Variants in CNBD1 observed in about 807,000 individuals in gnomAD.
CNBD1 encodes cyclic nucleotide-binding domain-containing protein 1.
In CNBD1, 71 loss-of-function variants were observed where a neutral mutation model predicts 54.4. The ratio of observed to expected loss-of-function variants is 1.30; its 90% CI spans 1.08 to 1.59. The LOEUF (loss-of-function observed/expected upper bound fraction) is 1.59, where lower values mean the gene tolerates loss of function less well. Among genes scored for constraint, CNBD1 ranks in the 40% most tolerant of loss-of-function variants. The pLI is 0.00. For synonymous variants in CNBD1, 182 were observed against 170.7 expected, an observed-to-expected ratio of 1.07 and a Z score of -0.51; for missense variants, 659 against 518.0, an observed-to-expected ratio of 1.27 and a Z score of -2.64.
At chr8:87,255,639 G>GTA (rs1288049783) in intron 6 of CNBD1, among the ~76,000 whole-genome samples, 1 of 151,498 alleles carries the variant, frequency 6.6e-6, no homozygotes, top group Non-Finnish European at 1.5e-5. Flanking sequence ...CAGTCATTCT[G>GTA]TATGTGACTC....
At chr8:87,142,161 A>G (rs1410119442) in intron 4 of CNBD1, among the ~76,000 whole-genome samples, 1 of 152,128 alleles carries the variant, frequency 6.6e-6, no homozygotes, top group African/African-American at 2.4e-5. Flanking sequence ...GTTACCAGGG[A>G]ACGTTATGAA....
chr8:87,106,317 A>G (rs539458374), intron 4 of CNBD1, among the ~76,000 whole-genome samples: 2 of 151,894 alleles, frequency 1.3e-5, no homozygotes, highest in South Asian at 4.2e-4. Flanking sequence ...GGGTTCAAGC[A>G]ATTCTCATGT....
intron 10 of CNBD1, among the ~76,000 whole-genome samples, chr8:87,365,091 C>A (rs991304603): frequency 7.2e-5 from 11 of 151,930 alleles, no homozygotes; most frequent in African/African-American, 2.7e-4. Flanking sequence ...ATGGTTGAAC[C>A]TAATTTACAC....
chr8:87,307,315 G>A (rs1441607173), intron 8 of CNBD1, among the ~76,000 whole-genome samples: 1 of 152,230 alleles, frequency 6.6e-6, no homozygotes, highest in East Asian at 1.9e-4. Flanking sequence ...GGATATTAAA[G>A]TGTAGGACAC....
intron 5 of CNBD1, among the ~76,000 whole-genome samples, chr8:87,236,565 A>C (rs1186673486): frequency 1.3e-5 from 2 of 152,000 alleles, no homozygotes; most frequent in African/African-American, 4.8e-5. Context: ...GGAGGCTCAT[A>C]AACATTAAAA....
At chr8:87,421,093 G>A (rs937559039) in intron 2 of CNBD1, among the ~76,000 whole-genome samples, 3 of 151,952 alleles carry the variant, frequency 2.0e-5, no homozygotes, top group African/African-American at 7.2e-5. Flanking sequence ...ATAGTAGATA[G>A]ATATTTTTTC....
intron 4 of CNBD1, among the ~76,000 whole-genome samples, chr8:86,984,163 G>C (rs1409666847): frequency 6.6e-6 from 1 of 152,194 alleles, no homozygotes; most frequent in Non-Finnish European, 1.5e-5. Context: ...TTGGGCTGTG[G>C]CTTCAGAGGG....
intron 4 of CNBD1, among the ~76,000 whole-genome samples, chr8:86,986,095 A>G (rs1265212848): frequency 6.6e-6 from 1 of 151,716 alleles, no homozygotes; most frequent in East Asian, 1.9e-4. Context: ...ACGTCCATCT[A>G]ATTTTCCTAT....
At chr8:87,058,364 G>C (rs1810468549) in intron 4 of CNBD1, among the ~76,000 whole-genome samples, 1 of 152,162 alleles carries the variant, frequency 6.6e-6, no homozygotes, top group African/African-American at 2.4e-5. Flanking sequence ...CGATCTGGAG[G>C]ACAGTGGCCC....
At chr8:87,093,332 G>A (rs1315243866) in intron 4 of CNBD1, among the ~76,000 whole-genome samples, 2 of 152,150 alleles carry the variant, frequency 1.3e-5, no homozygotes, top group Non-Finnish European at 2.9e-5. Context: ...AAGTAGCATG[G>A]CGTTGTGTGG....
At chr8:86,979,425 A>AG in intron 4 of CNBD1, among the ~76,000 whole-genome samples, 1 of 145,892 alleles carries the variant, frequency 6.9e-6, no homozygotes, top group East Asian at 2.0e-4. Context: ...AAAAAAAAAA[A>AG]AAAGGCAAAA....
At chr8:87,299,778 C>T (rs1251108654) in intron 8 of CNBD1, among the ~76,000 whole-genome samples, 1 of 152,096 alleles carries the variant, frequency 6.6e-6, no homozygotes, top group South Asian at 2.1e-4. Context: ...TGGCCCTATG[C>T]TAGGGAACAC....
Position 86,951,358 on chromosome 8 carries a change from G to A in CNBD1, c.431+11604G>A, listed in dbSNP as rs536850659. Among the ~76,000 whole-genome samples the A allele has an allele frequency of 3.3e-5, 5 of 151,854 alleles. No individual in the cohort carries two copies. In the South Asian group the frequency reaches 1.0e-3, roughly 32 times the overall value. ...AATCCCAGCACTTTGGGAGGCCGAGGCAGGCAGATCACCTGAGGTTAGGAG... is the reference window on the plus strand; with the variant it reads ...AATCCCAGCACTTTGGGAGGCCGAGACAGGCAGATCACCTGAGGTTAGGAG... On this transcript the variant is annotated intron_variant, in intron 4 of 10. Transcript: ENST00000518476.
intron 4 of CNBD1, among the ~76,000 whole-genome samples, chr8:87,199,738 C>T (rs563586619): frequency 6.9e-4 from 105 of 152,284 alleles, no homozygotes; most frequent in African/African-American, 2.4e-3. Flanking sequence ...GGGTTTTACA[C>T]ACCAAATTGT....
At chr8:87,349,490 C>A (rs907272128) in intron 8 of CNBD1, among the ~76,000 whole-genome samples, 12 of 152,152 alleles carry the variant, frequency 7.9e-5, no homozygotes, top group African/African-American at 2.7e-4. Context: ...ATTCCCCTGC[C>A]TCAGCCTTCC....
chr8:87,316,264 G>A (rs1281219878), intron 8 of CNBD1, among the ~76,000 whole-genome samples: 1 of 151,936 alleles, frequency 6.6e-6, no homozygotes, highest in Non-Finnish European at 1.5e-5. Flanking sequence ...AGGAGGTGAA[G>A]AGAAATACAA....
At chr8:87,016,588 C>T (rs1472236371) in intron 4 of CNBD1, among the ~76,000 whole-genome samples, 2 of 152,020 alleles carry the variant, frequency 1.3e-5, no homozygotes, top group Non-Finnish European at 2.9e-5. Flanking sequence ...GGAATTGTTT[C>T]ATTTTGTAGA....
intron 8 of CNBD1, among the ~76,000 whole-genome samples, chr8:87,290,360 T>A (rs1041494465): frequency 1.7e-4 from 26 of 152,248 alleles, no homozygotes; most frequent in African/African-American, 4.8e-4. Flanking sequence ...TGATATGCTT[T>A]CCTTAGTTCA....
intron 4 of CNBD1, among the ~76,000 whole-genome samples, chr8:87,031,085 A>C (rs1809779336): frequency 6.6e-6 from 1 of 150,992 alleles, no homozygotes; most frequent in Non-Finnish European, 1.5e-5. Flanking sequence ...AGATGCTCCC[A>C]GATTAAAGAA....
Sources: allele counts gnomAD v4.1 joint callset (sites outside exome capture counted in the v4.1 genomes callset), GRCh38; gene constraint gnomAD v4.1.1; transcripts MANE v1.5; gene names NCBI Gene and HGNC (gene_info 2026-07-23, HGNC 2026-07-21).